Variants in EZR observed in about 807,000 individuals in gnomAD.
EZR encodes the protein cytovillin 2.
Under a neutral mutation model 74.8 loss-of-function variants are expected in EZR, and 40 were observed. The ratio of observed to expected loss-of-function variants is 0.53; its 90% CI spans 0.42 to 0.70. The LOEUF (loss-of-function observed/expected upper bound fraction) is 0.70, where lower values mean the gene tolerates loss of function less well. Among genes scored for constraint, EZR ranks in the 30% least tolerant of loss-of-function variants. The pLI, the probability that EZR is intolerant of heterozygous loss-of-function variation, is 0.00. For synonymous variants in EZR, 341 were observed against 283.3 expected (o/e 1.20, Z -2.05); for missense variants, 678 against 755.8 (o/e 0.90, Z 1.21).
At chr6:158,777,759 C>T (rs944533206) in intron 7 of EZR, among the ~76,000 whole-genome samples, 37 of 152,284 alleles carry the variant, frequency 2.4e-4, no homozygotes, top group African/African-American at 8.9e-4. Flanking sequence ...ACATGTAAGC[C>T]TGACATGGCC....
intron 2 of EZR, among the ~76,000 whole-genome samples, chr6:158,816,376 G>A (rs1373862208): frequency 6.6e-6 from 1 of 152,184 alleles, no homozygotes; most frequent in African/African-American, 2.4e-5. Context: ...TTCATTATGA[G>A]AAATGAGAAA....
chr6:158,770,753 G>C lies in EZR; in HGVS notation c.1090+11C>G, dbSNP rs2128565996. The C allele has an allele frequency of 1.9e-6, 3 of 1,614,028 alleles. No individual in the cohort carries two copies. The highest frequency in any genetic ancestry group is 2.5e-6 in the Non-Finnish European group (3 of 1,179,988). Reference sequence around the variant, plus strand: ...GACCCAGTGTAGAGTGCCAGCCCCAGGGCGCCTGACCTCTCTCTGCCTTCT... The same window carrying C: ...GACCCAGTGTAGAGTGCCAGCCCCACGGCGCCTGACCTCTCTCTGCCTTCT... On this transcript the variant is annotated intron_variant, in intron 10 of 13. Coordinates refer to ENST00000367075, the MANE Select transcript of EZR (RefSeq NM_001111077.2).
At chr6:158,789,617 A>C in intron 2 of EZR, 2 of 601,056 alleles carry the variant, frequency 3.3e-6, no homozygotes, top group South Asian at 2.8e-5. Context: ...CTTAGGTCTA[A>C]GCAGTTTTTC....
intron 2 of EZR, among the ~76,000 whole-genome samples, chr6:158,800,331 C>CA (rs1777162717): frequency 6.6e-6 from 1 of 152,170 alleles, no homozygotes; most frequent in Non-Finnish European, 1.5e-5. Flanking sequence ...AATTCCCGCC[C>CA]ATAGCAGTGG....
Position 158,769,360 on chromosome 6 carries a change from C to T in EZR, c.1310G>A (p.Arg437His), listed in dbSNP as rs779204762. The change falls in exon 12 of 14, where the codon CGC becomes CAC. Residue 437 changes from arginine (R) to histidine (H), a missense_variant. By Grantham distance (29) the Arg-to-His change is conservative. Around this residue, in one of 3 missense-constraint regions of EZR, gnomAD observed 342 missense variants for 341.2 expected, o/e 1.00. Transcript: ENST00000367075. Reference sequence around the variant, plus strand: ...CCACTCTTCAACTTCATCCTCCTTGCGCCTCCGCGCCTCTTCCAGGAGGGC... The same window carrying T: ...CCACTCTTCAACTTCATCCTCCTTGTGCCTCCGCGCCTCTTCCAGGAGGGC... The part of the protein sequence containing the change: ...KIALLEEARR[R>H]KEDEVEEWQH... 18 of 1,609,450 alleles carry T rather than the reference C, an allele frequency of 1.1e-5. No individual in the cohort carries two copies. Among genetic ancestry groups the T allele is most frequent in the Admixed American group, 5.0e-5 (3 of 60,004 alleles).
chr6:158,797,828 T>C (rs1194250014), intron 2 of EZR, among the ~76,000 whole-genome samples: 2 of 152,244 alleles, frequency 1.3e-5, no homozygotes, highest in Admixed American at 6.5e-5. Context: ...ATAGCAGCTA[T>C]TGAAATGTAA....
chr6:158,787,556 C>T (rs2128570904), intron 3 of EZR, among the ~76,000 whole-genome samples: 1 of 152,294 alleles, frequency 6.6e-6, no homozygotes, highest in South Asian at 2.1e-4. Flanking sequence ...TGGGAGCCCA[C>T]AGCCCCCCAG....
intron 2 of EZR, among the ~76,000 whole-genome samples, chr6:158,807,927 T>A (rs1482448061): frequency 1.3e-5 from 2 of 152,276 alleles, no homozygotes; most frequent in Non-Finnish European, 2.9e-5. Flanking sequence ...CAGGCTCAAA[T>A]ACACATTAGC....
At chr6:158,795,277 A>T (rs1300598463) in intron 2 of EZR, among the ~76,000 whole-genome samples, 1 of 151,730 alleles carries the variant, frequency 6.6e-6, no homozygotes, top group Non-Finnish European at 1.5e-5. Context: ...AAATAAATAA[A>T]TAATTCTATT....
At chr6:158,804,457 G>C (rs1404118482) in intron 2 of EZR, among the ~76,000 whole-genome samples, 1 of 152,188 alleles carries the variant, frequency 6.6e-6, no homozygotes, top group East Asian at 1.9e-4. Context: ...TGTATACCAT[G>C]TGATTTCAGT....
Position 158,769,806 on chromosome 6 carries a change from T to C in EZR, c.1229A>G (p.Gln410Arg), listed in dbSNP as rs2128564749. The change falls in exon 11 of 14, where the codon CAG (glutamine) becomes CGG (arginine). Residue 410 changes from glutamine (Q) to arginine (R), a missense_variant. Physicochemically the swap from Gln to Arg is conservative, Grantham distance 43. Transcript: ENST00000367075. Reference sequence around the variant, plus strand: ...TACCAGCTGCTCCTGGCTCTTTATCTGATCCACCGCCTGTCTCTCCAGCTC... The same window carrying C: ...TACCAGCTGCTCCTGGCTCTTTATCCGATCCACCGCCTGTCTCTCCAGCTC... ...KEELERQAVD[Q>R]IKSQEQLAAE... 1 of 1,614,006 alleles carries C rather than the reference T, an allele frequency of 6.2e-7. No homozygotes were observed. Among genetic ancestry groups the C allele is most frequent in the Non-Finnish European group, 8.5e-7 (1 of 1,180,034 alleles).
At chr6:158,809,636 A>G (rs1015281479) in intron 2 of EZR, among the ~76,000 whole-genome samples, 2 of 152,236 alleles carry the variant, frequency 1.3e-5, no homozygotes, top group Admixed American at 1.3e-4. Context: ...TTTGAGAACA[A>G]TTTTTTAAAA....
chr6:158,778,164 C>A (rs938039200), intron 7 of EZR, among the ~76,000 whole-genome samples: 4 of 152,198 alleles, frequency 2.6e-5, no homozygotes, highest in Non-Finnish European at 5.9e-5. Flanking sequence ...AACAGAGAAG[C>A]TAGGATCCAA....
In EZR at chr6:158,813,613, G is replaced by A. The variant is rs143554691; in HGVS notation, c.12+4469C>T. Among the ~76,000 whole-genome samples, 481 of 152,352 alleles carry A rather than the reference G, an allele frequency of 3.2e-3. 2 individuals carry two copies. Among genetic ancestry groups the A allele is most frequent in the Middle Eastern group, 0.01 (3 of 294 alleles). ...ATTGCGAGGGGATTGTGAGGGGGGA[G>A]TACATTCAGTAAACTGTCCCTGTTA... On this transcript the variant is annotated intron_variant, in intron 2 of 13. Coordinates refer to ENST00000367075, the MANE Select transcript of EZR (RefSeq NM_001111077.2).
intron 2 of EZR, among the ~76,000 whole-genome samples, chr6:158,791,706 ATTTTTTTT>A (rs57581855): frequency 2.1e-5 from 2 of 96,262 alleles, no homozygotes; most frequent in Middle Eastern, 5.4e-3. Context: ...TTCAGACTCC[ATTTTTTTT>A]TTTTTTTTTT....
At chr6:158,797,308 A>C (rs1400205310) in intron 2 of EZR, among the ~76,000 whole-genome samples, 1 of 152,188 alleles carries the variant, frequency 6.6e-6, no homozygotes, top group Non-Finnish European at 1.5e-5. Flanking sequence ...AGTTTGCAAT[A>C]ATTTTTTTAT....
At chr6:158,813,425 G>A (rs1323852545) in intron 2 of EZR, among the ~76,000 whole-genome samples, 1 of 152,228 alleles carries the variant, frequency 6.6e-6, no homozygotes, top group Non-Finnish European at 1.5e-5. Context: ...GACTGTGTCT[G>A]TGAACATCCA....
At chr6:158,804,400 C>T (rs1441952584) in intron 2 of EZR, among the ~76,000 whole-genome samples, 2 of 152,156 alleles carry the variant, frequency 1.3e-5, no homozygotes, top group Non-Finnish European at 2.9e-5. Flanking sequence ...AGAAAGGGAC[C>T]TTGAACAAGA....
At chr6:158,810,152 G>A (rs1167347415) in intron 2 of EZR, among the ~76,000 whole-genome samples, 1 of 152,152 alleles carries the variant, frequency 6.6e-6, no homozygotes. Context: ...TAAAAGGTGG[G>A]TCATGGTGAG....
Sources: allele counts gnomAD v4.1 joint callset (sites outside exome capture counted in the v4.1 genomes callset), GRCh38; gene constraint gnomAD v4.1.1; regional missense constraint gnomAD v4.1.1; transcripts MANE v1.5; gene names NCBI Gene and HGNC (gene_info 2026-07-23, HGNC 2026-07-21).